The following ZNF439 variants were observed in gnomAD, a reference collection of about 807,000 sequenced individuals.
ZNF439 encodes zinc finger protein 439.
Under a neutral mutation model 47.3 loss-of-function variants are expected in ZNF439, and 40 were observed. The ratio of observed to expected loss-of-function variants is 0.85; its 90% CI spans 0.66 to 1.10. The LOEUF is 1.10. ZNF439 is among the 50% of genes least tolerant of loss of function. The pLI is 0.00. For synonymous variants in ZNF439, 171 were observed against 198.8 expected (o/e 0.86, Z 1.18); for missense variants, 556 against 601.1 (o/e 0.93, Z 0.78).
At chr19:11,851,887 G>A (rs1337731200) in intron 1 of ZNF439, among the ~76,000 whole-genome samples, 1 of 152,122 alleles carries the variant, frequency 6.6e-6, no homozygotes, top group Non-Finnish European at 1.5e-5. Context: ...GCCTCAAACA[G>A]TCCTCCTTCT....
At position 11,849,395 on chromosome 19, in the gene ZNF439, G is replaced by GA. The variant is rs200872994; in HGVS notation, c.63+473dup. On this transcript the variant is annotated intron_variant, in intron 1 of 3. Transcript: ENST00000682736. ...GGTCCTGGCTTGTGGTTTGTCAACG[G>GA]AAAAAAAACAGACTATGTAAAATAC... 1,342 of 679,698 alleles carry GA rather than the reference G, an allele frequency of 2.0e-3. 13 individuals carry two copies. In the African/African-American group the frequency reaches 0.022, roughly 11 times the overall value. 42.1% of individuals were successfully genotyped at this position (679,698 alleles called of 1,614,324 possible).
chr19:11,860,661 T>C (rs1266268936), intron 1 of ZNF439, among the ~76,000 whole-genome samples: 1 of 152,208 alleles, frequency 6.6e-6, no homozygotes, highest in African/African-American at 2.4e-5. Context: ...GGCACCTTGC[T>C]TCTAGTGAAC....
At chr19:11,848,959 T>G (rs1599306412) in intron 1 of ZNF439, 29 bp downstream of exon 1, 1 of 1,529,500 alleles carries the variant, frequency 6.5e-7, no homozygotes. Flanking sequence ...AGTGGTGCGA[T>G]GGGGGAGGGG....
chr19:11,867,340 G>T lies in ZNF439; in HGVS notation c.286G>T (p.Glu96Ter), dbSNP rs1976713808. The stretch of plus-strand genomic sequence containing the variant: ...AGAAGAGAAAGTCAATGAAATTAAA[G>T]AAGACAGTCATTGTGGAGAAACTTT... Reference protein sequence around the residue: ...VTEEKVNEIKEDSHCGETFTP... With the variant: ...VTEEKVNEIK The change falls in exon 4 of 4, where the codon GAA becomes TAA. Residue 96 changes from glutamate (E) to a stop codon, truncating the protein, a stop_gained. Transcript: ENST00000682736. LOFTEE classifies it high-confidence loss of function. 6.2e-7 allele frequency: 1 copy of T among 1,613,030 alleles called. No individual in the cohort carries two copies. The highest frequency in any genetic ancestry group is 1.3e-5 in the African/African-American group (1 of 74,800).
chr19:11,861,302 T>G, intron 1 of ZNF439, among the ~76,000 whole-genome samples: 1 of 152,124 alleles, frequency 6.6e-6, no homozygotes, highest in East Asian at 1.9e-4. Context: ...ATGCGGTTCC[T>G]TTCTGGAAAC....
intron 1 of ZNF439, among the ~76,000 whole-genome samples, chr19:11,859,804 G>T (rs934357068): frequency 2.6e-5 from 4 of 152,034 alleles, no homozygotes; most frequent in Non-Finnish European, 5.9e-5. Flanking sequence ...TGGAGGGGGC[G>T]GTATAGGCCA....
chr19:11,860,535 T>C (rs1332641784), intron 1 of ZNF439, among the ~76,000 whole-genome samples: 1 of 152,168 alleles, frequency 6.6e-6, no homozygotes, highest in African/African-American at 2.4e-5. Flanking sequence ...GTTCACATCC[T>C]CAAGTCCCTG....
chr19:11,868,194 TCA>T lies in ZNF439; in HGVS notation c.1143_1144del (p.His381GlnfsTer7). 3 of 1,613,842 alleles carry T rather than the reference TCA, an allele frequency of 1.9e-6. No individual in the cohort carries two copies. The highest frequency in any genetic ancestry group is 2.5e-6 in the Non-Finnish European group (3 of 1,179,980). On this transcript the variant is annotated frameshift_variant, in exon 4 of 4. Transcript: ENST00000682736. LOFTEE classifies it high-confidence loss of function. ...AGTCATTTCAAAGACATGAAAAAAC[TCA>T]CAGTGGAGAGAAACCGTATAAATGC... ...AKSFQRHEKT[H>X]SGEKPYKCKQ...
At chr19:11,861,462 A>G (rs1014582365) in intron 1 of ZNF439, among the ~76,000 whole-genome samples, 3 of 152,126 alleles carry the variant, frequency 2.0e-5, no homozygotes, top group Admixed American at 2.0e-4. Flanking sequence ...GGGGCCTCCC[A>G]AGGGAGCAGC....
intron 1 of ZNF439, among the ~76,000 whole-genome samples, chr19:11,851,908 C>A (rs2607457): frequency 6.6e-6 from 1 of 152,186 alleles, no homozygotes; most frequent in African/African-American, 2.4e-5. Context: ...TTGGCCTCCA[C>A]AAGTCTTGGG....
intron 1 of ZNF439, among the ~76,000 whole-genome samples, chr19:11,853,821 A>G (rs1976314431): frequency 6.6e-6 from 1 of 152,230 alleles, no homozygotes; most frequent in South Asian, 2.1e-4. Flanking sequence ...AACAAAAAAC[A>G]GAGACTAAAC....
At position 11,866,313 on chromosome 19, in the gene ZNF439, T is replaced by A. The variant is rs776606586; in HGVS notation, c.172T>A (p.Trp58Arg). Residue 58 changes from tryptophan to arginine, a missense_variant, in exon 2 of 4, where the codon TGG becomes AGG. Trp to Arg is a moderately radical substitution (Grantham distance 101). Coordinates refer to ENST00000682736, the MANE Select transcript of ZNF439 (RefSeq NM_001348719.2). Reference protein sequence around the residue: ...LYREVMLETFWNLTSIGKKWK... With the variant: ...LYREVMLETFRNLTSIGKKWK... ...CAGGGAAGTGATGCTGGAAACTTTC[T>A]GGAACCTGACCTCTATAGGTAAGGA... The A allele has an allele frequency of 5.5e-5, 89 of 1,614,058 alleles. No individual in the cohort carries two copies. The highest frequency in any genetic ancestry group is 7.2e-5 in the Non-Finnish European group (85 of 1,180,022).
chr19:11,858,524 G>A (rs995253071), intron 1 of ZNF439, among the ~76,000 whole-genome samples: 1 of 151,436 alleles, frequency 6.6e-6, no homozygotes, highest in African/African-American at 2.4e-5. Flanking sequence ...TAGGAATGAC[G>A]GCTGCAGATG....
intron 1 of ZNF439, among the ~76,000 whole-genome samples, chr19:11,861,096 G>A (rs1180068584): frequency 1.3e-5 from 2 of 151,960 alleles, no homozygotes; most frequent in African/African-American, 2.4e-5. Flanking sequence ...CCAAATATAC[G>A]GGATGCAGGG....
At chr19:11,858,137 CT>C (rs1279920718) in intron 1 of ZNF439, 4 of 152,122 alleles carry the variant, frequency 2.6e-5, no homozygotes, top group Non-Finnish European at 4.4e-5. Flanking sequence ...CAGATCCAGG[CT>C]TATCCTTCTC....
At chr19:11,857,331 G>A (rs1452639821) in intron 1 of ZNF439, 1 of 152,188 alleles carries the variant, frequency 6.6e-6, no homozygotes, top group Non-Finnish European at 1.5e-5. Flanking sequence ...GGGAATCCAA[G>A]GAAACAATAA....
At position 11,848,821 on chromosome 19, in the gene ZNF439, G is replaced by A; in HGVS notation, c.-47G>A. Reference sequence around the variant, plus strand: ...GATCTGGCCTTTCCAGCCCCGAGAGGGACCTAGTGCCTCTACCCAGATTTC... The same window carrying A: ...GATCTGGCCTTTCCAGCCCCGAGAGAGACCTAGTGCCTCTACCCAGATTTC... On this transcript the variant is annotated 5_prime_UTR_variant, in exon 1 of 4. Coordinates refer to ENST00000682736, the MANE Select transcript of ZNF439 (RefSeq NM_001348719.2). 1 of 1,503,102 alleles carries A rather than the reference G, an allele frequency of 6.7e-7. No homozygotes were observed. The highest frequency in any genetic ancestry group is 9.0e-7 in the Non-Finnish European group (1 of 1,113,388). 93.1% of individuals were successfully genotyped at this position (1,503,102 alleles called of 1,614,324 possible).
chr19:11,863,044 A>C (rs1292301218), intron 1 of ZNF439, among the ~76,000 whole-genome samples: 2 of 150,144 alleles, frequency 1.3e-5, no homozygotes, highest in African/African-American at 2.5e-5. Context: ...CATCGTGCCC[A>C]GCCTGTTTTC....
intron 1 of ZNF439, 45 bp downstream of exon 1, chr19:11,848,975 TG>T: frequency 6.7e-7 from 1 of 1,501,706 alleles, no homozygotes. Flanking sequence ...AGGGGCTGCC[TG>T]GAACTGGCGG....
Sources: allele counts gnomAD v4.1 joint callset (sites outside exome capture counted in the v4.1 genomes callset), GRCh38; gene constraint gnomAD v4.1.1; transcripts MANE v1.5; gene names NCBI Gene and HGNC (gene_info 2026-07-23, HGNC 2026-07-21).